PLA2G4C: variants seen among roughly 807,000 people sequenced by gnomAD.
PLA2G4C encodes phospholipase A2 group IVC, also known as cytosolic phospholipase A2 gamma.
PLA2G4C carries 64 observed loss-of-function variants against 73.8 expected under a neutral mutation model. The ratio of observed to expected loss-of-function variants is 0.87; its 90% CI spans 0.71 to 1.07. The LOEUF (loss-of-function observed/expected upper bound fraction) is 1.07, where lower values mean the gene tolerates loss of function less well. Ranked by LOEUF, PLA2G4C falls within the 50% of genes least tolerant of loss-of-function variation. The pLI is 0.00. For synonymous variants in PLA2G4C, 254 were observed against 252.1 expected (o/e 1.01, Z -0.07); for missense variants, 622 against 665.4 (o/e 0.93, Z 0.72).
intron 9 of PLA2G4C, among the ~76,000 whole-genome samples, chr19:48,086,176 G>C (rs1310485765): frequency 2.0e-5 from 3 of 152,220 alleles, no homozygotes. Context: ...CATGGCCTGA[G>C]AGCAGTGGTT....
intron 5 of PLA2G4C, among the ~76,000 whole-genome samples, chr19:48,098,971 A>C (rs2031760376): frequency 6.6e-6 from 1 of 151,806 alleles, no homozygotes; most frequent in African/African-American, 2.4e-5. Context: ...GCAGTGGCTC[A>C]TACACGTAAT....
chr19:48,058,104 G>A (rs1667915355), intron 14 of PLA2G4C, among the ~76,000 whole-genome samples: 1 of 151,688 alleles, frequency 6.6e-6, no homozygotes, highest in African/African-American at 2.4e-5. Context: ...TTCAAGACCA[G>A]CCTGACCAAC....
intron 10 of PLA2G4C, among the ~76,000 whole-genome samples, chr19:48,078,580 G>C (rs1218679087): frequency 1.3e-5 from 2 of 152,102 alleles, no homozygotes; most frequent in Non-Finnish European, 2.9e-5. Flanking sequence ...CAATGACCAA[G>C]CTGAGATTCA....
At chr19:48,098,336 AT>A (rs11432234) in intron 5 of PLA2G4C, 77 bp from the exon 6 acceptor site, 454 of 1,144,986 alleles carry the variant, frequency 4.0e-4, no homozygotes, top group Admixed American at 5.9e-4. Context: ...CGTAGGCCAC[AT>A]TTTTTTTTAG....
At chr19:48,086,427 C>T (rs900522884) in intron 9 of PLA2G4C, among the ~76,000 whole-genome samples, 16 of 152,214 alleles carry the variant, frequency 1.1e-4, no homozygotes, top group African/African-American at 3.9e-4. Flanking sequence ...GTCTGAAAAC[C>T]ACCCCCACCC....
chr19:48,087,812 C>T (rs392145), intron 9 of PLA2G4C, among the ~76,000 whole-genome samples: 14,122 of 151,894 alleles, frequency 0.093, 1,400 homozygotes, highest in African/African-American at 0.25. Context: ...CAAGTGCCTG[C>T]AATCCCAGCT....
chr19:48,084,538 C>G (rs2030858703), intron 10 of PLA2G4C, among the ~76,000 whole-genome samples: 1 of 152,112 alleles, frequency 6.6e-6, no homozygotes, highest in Admixed American at 6.5e-5. Context: ...CTGGAAGTAG[C>G]AGGCACCAGC....
intron 6 of PLA2G4C, chr19:48,096,924 G>A (rs1233719091): frequency 1.3e-5 from 2 of 152,188 alleles, no homozygotes; most frequent in African/African-American, 4.8e-5. Flanking sequence ...GGGAGGCCGA[G>A]GCGGGTGGAT....
At chr19:48,073,793 G>A (rs2029949230) in intron 12 of PLA2G4C, among the ~76,000 whole-genome samples, 1 of 151,694 alleles carries the variant, frequency 6.6e-6, no homozygotes, top group Non-Finnish European at 1.5e-5. Context: ...AAGAGAGCGA[G>A]GGGGAAGGTG....
chr19:48,065,561 G>A (rs146388573), intron 13 of PLA2G4C, among the ~76,000 whole-genome samples: 1 of 151,892 alleles, frequency 6.6e-6, no homozygotes, highest in African/African-American at 2.4e-5. Context: ...CTGTACTGCA[G>A]CCTGGGTGAC....
At chr19:48,062,900 C>T (rs942690956) in intron 13 of PLA2G4C, among the ~76,000 whole-genome samples, 22 of 151,996 alleles carry the variant, frequency 1.4e-4, no homozygotes, top group Admixed American at 9.2e-4. Context: ...GTGCCCAAGG[C>T]GGTTGGGGCA....
chr19:48,085,244 T>C, intron 9 of PLA2G4C, 132 bp from the exon 10 acceptor site: 1 of 681,410 alleles, frequency 1.5e-6, no homozygotes, highest in Non-Finnish European at 2.6e-6. Context: ...ATTCTTCCAT[T>C]CCATAAATAT....
intron 5 of PLA2G4C, among the ~76,000 whole-genome samples, chr19:48,098,690 G>A (rs565447703): frequency 2.1e-5 from 2 of 97,310 alleles, no homozygotes; most frequent in East Asian, 7.2e-4. Context: ...ACCACCCCGA[G>A]CAAAAAAGCG....
At chr19:48,084,444 C>T (rs951414461) in intron 10 of PLA2G4C, among the ~76,000 whole-genome samples, 2 of 152,150 alleles carry the variant, frequency 1.3e-5, no homozygotes, top group East Asian at 1.9e-4. Flanking sequence ...GGTTTAAGAG[C>T]TTCTCCTCTT....
intron 4 of PLA2G4C, chr19:48,103,527 T>G (rs2032020186): frequency 1.3e-5 from 2 of 151,792 alleles, no homozygotes; most frequent in South Asian, 4.2e-4. Context: ...TATCTCACAC[T>G]CGAGCCTCTG....
chr19:48,053,148 C>T lies in PLA2G4C; in HGVS notation c.1430-1G>A, dbSNP rs1967789447. 6.3e-7 allele frequency: 1 copy of T among 1,577,658 alleles called. No individual in the cohort carries two copies. The highest frequency in any genetic ancestry group is 8.7e-7 in the Non-Finnish European group (1 of 1,154,912). ...GTGTCACTCCATGCCTCAATATCAC[C>T]TGAAGCATAACCAAACCAACAAAGA... On this transcript the variant is annotated splice_acceptor_variant, in intron 15 of 16. Coordinates refer to ENST00000599921, the MANE Select transcript of PLA2G4C (RefSeq NM_003706.3). LOFTEE classifies it high-confidence loss of function.
At chr19:48,070,545 A>G (rs1968617057) in intron 12 of PLA2G4C, among the ~76,000 whole-genome samples, 1 of 152,204 alleles carries the variant, frequency 6.6e-6, no homozygotes, top group East Asian at 1.9e-4. Flanking sequence ...CATATACACC[A>G]TGGAATACTA....
intron 10 of PLA2G4C, among the ~76,000 whole-genome samples, chr19:48,081,133 C>G (rs184273334): frequency 2.7e-4 from 41 of 151,156 alleles, no homozygotes; most frequent in African/African-American, 9.5e-4. Flanking sequence ...CCACTGCACT[C>G]CAGCTTGGGT....
chr19:48,062,162 C>T lies in PLA2G4C; in HGVS notation c.1103-10G>A. ...TTGTCCCGGATGCCACCTGTGGTGC[C>T]CAGGAAGAAAGAGGATCAGCTGCTT... On this transcript the variant is annotated splice_polypyrimidine_tract_variant and intron_variant, in intron 13 of 16. Transcript: ENST00000599921. The T allele has an allele frequency of 6.5e-7, 1 of 1,541,046 alleles. No homozygotes were observed. The highest frequency in any genetic ancestry group is 8.8e-7 in the Non-Finnish European group (1 of 1,142,340).
Sources: gnomAD v4.1 joint callset for allele counts (sites outside exome capture counted in the v4.1 genomes callset) on GRCh38, gnomAD v4.1.1 for gene constraint, MANE v1.5 for transcripts, NCBI Gene and HGNC (gene_info 2026-07-23, HGNC 2026-07-21) for gene names.